ZNF33A: variants seen among roughly 807,000 people sequenced by gnomAD.
The protein encoded by ZNF33A is brain my041 protein.
In ZNF33A, 9 loss-of-function variants were observed where a neutral mutation model predicts 15.9. The observed-to-expected ratio is 0.57, with a 90% CI of 0.34 to 0.99. ZNF33A has a LOEUF of 0.99. Ranked by LOEUF, ZNF33A falls within the 50% of genes least tolerant of loss-of-function variation. ZNF33A has a pLI of 0.02. For synonymous variants in ZNF33A, 294 were observed against 324.2 expected, an observed-to-expected ratio of 0.91 and a Z score of 1.00; for missense variants, 843 against 941.6, an observed-to-expected ratio of 0.90 and a Z score of 1.37.
intron 4 of ZNF33A, among the ~76,000 whole-genome samples, chr10:38,024,907 T>C (rs1252619870): frequency 6.6e-6 from 1 of 152,252 alleles, no homozygotes; most frequent in African/African-American, 2.4e-5. Flanking sequence ...AGTTAATTAC[T>C]TAGTAACTGT....
chr10:38,038,087 A>G (rs1302278030), intron 4 of ZNF33A, among the ~76,000 whole-genome samples: 1 of 152,140 alleles, frequency 6.6e-6, no homozygotes, highest in South Asian at 2.1e-4. Flanking sequence ...GATTAAAGTT[A>G]TAAGTATTTT....
rs751939801 is a variant in ZNF33A at position 38,054,922 on chromosome 10, G to A, written c.798G>A (p.Gln266=). Residue 266 remains glutamine (Q), a synonymous_variant, in exon 5 of 5, where the codon CAG becomes CAA. Coordinates refer to ENST00000432900, the MANE Select transcript of ZNF33A (RefSeq NM_006954.2). ...LCDSSSLLFH[Q]ISPSRDNHYE... ...ATAGTTCATCCCTCTTGTTCCATCA[G>A]ATATCTCCGTCAAGGGACAATCACT... 2 of 1,613,814 alleles carry A rather than the reference G, an allele frequency of 1.2e-6. No homozygotes were observed. The highest frequency in any genetic ancestry group is 1.3e-5 in the African/African-American group (1 of 74,940).
intron 4 of ZNF33A, among the ~76,000 whole-genome samples, chr10:38,035,823 T>C (rs191389217): frequency 6.6e-6 from 1 of 152,222 alleles, no homozygotes; most frequent in East Asian, 1.9e-4. Context: ...AAAGCTTTCA[T>C]AAAAGAAAAG....
chr10:38,065,752 C>G (rs965077128), downstream of ZNF33A, among the ~76,000 whole-genome samples: 3 of 151,556 alleles, frequency 2.0e-5, no homozygotes, highest in African/African-American at 7.3e-5. Flanking sequence ...GCTCTTATGC[C>G]CAGGCTGGAG....
rs1590460120 is a variant in ZNF33A, at chr10:38,016,957, T to G, written c.96T>G (p.Ser32Arg). Reference sequence around the variant, plus strand: ...AGGAGTGGCAGCACCTGGACCCTAGTCAGAGGGCTCTGTATAGAGATGTGA... The same window carrying G: ...AGGAGTGGCAGCACCTGGACCCTAGGCAGAGGGCTCTGTATAGAGATGTGA... ...TQEEWQHLDP[S>R]QRALYRDVML... The change falls in exon 3 of 5, where the codon AGT becomes AGG. Residue 32 changes from serine to arginine, a missense_variant. Coordinates refer to ENST00000432900, the MANE Select transcript of ZNF33A (RefSeq NM_006954.2). The G allele has an allele frequency of 7.4e-6, 12 of 1,613,902 alleles. No individual in the cohort carries two copies. The East Asian group carries it at 2.7e-4, about 36-fold the overall frequency.
At chr10:38,034,922 A>C (rs2065373825) in intron 4 of ZNF33A, among the ~76,000 whole-genome samples, 2 of 152,088 alleles carry the variant, frequency 1.3e-5, no homozygotes, top group African/African-American at 4.8e-5. Flanking sequence ...TAAACCATGT[A>C]ATATACTTAT....
At chr10:38,038,880 A>G (rs535661399) in intron 4 of ZNF33A, among the ~76,000 whole-genome samples, 1 of 152,316 alleles carries the variant, frequency 6.6e-6, no homozygotes, top group East Asian at 1.9e-4. Context: ...GTGGTGTATT[A>G]ATTGATTTTC....
At chr10:38,053,407 C>T (rs1219149817) in intron 4 of ZNF33A, among the ~76,000 whole-genome samples, 1 of 152,066 alleles carries the variant, frequency 6.6e-6, no homozygotes, top group Non-Finnish European at 1.5e-5. Flanking sequence ...CATGTGCTTT[C>T]CAGTATCCTC....
intron 4 of ZNF33A, among the ~76,000 whole-genome samples, chr10:38,026,859 C>T (rs1697950287): frequency 6.6e-6 from 1 of 152,110 alleles, no homozygotes; most frequent in Admixed American, 6.6e-5. Flanking sequence ...CTACTCATTC[C>T]CCCTTCCGAC....
intron 4 of ZNF33A, among the ~76,000 whole-genome samples, chr10:38,026,680 A>G (rs1353605450): frequency 6.6e-6 from 1 of 152,244 alleles, no homozygotes; most frequent in Non-Finnish European, 1.5e-5. Context: ...ATAGGTAAGA[A>G]TCCATCAGCA....
At chr10:38,013,549 C>T (rs1267642288) in intron 2 of ZNF33A, among the ~76,000 whole-genome samples, 2 of 151,482 alleles carry the variant, frequency 1.3e-5, no homozygotes, top group Non-Finnish European at 2.9e-5. Flanking sequence ...TGCCTCGACT[C>T]CTTGGTTAAA....
chr10:38,031,686 C>T (rs1172467047), intron 4 of ZNF33A, among the ~76,000 whole-genome samples: 5 of 151,776 alleles, frequency 3.3e-5, no homozygotes, highest in Non-Finnish European at 5.9e-5. Flanking sequence ...GGTAATAGGC[C>T]GGGTGCGGTA....
intron 4 of ZNF33A, among the ~76,000 whole-genome samples, chr10:38,051,409 G>A (rs994364282): frequency 2.0e-5 from 3 of 151,898 alleles, no homozygotes; most frequent in African/African-American, 7.3e-5. Context: ...CCTAATGATC[G>A]CATCAGCTGA....
chr10:38,044,924 T>C (rs895411465), intron 4 of ZNF33A, among the ~76,000 whole-genome samples: 4 of 152,136 alleles, frequency 2.6e-5, no homozygotes, highest in African/African-American at 7.2e-5. Flanking sequence ...TGCCTCGACC[T>C]CCCAAAGTAC....
At chr10:38,045,292 T>G (rs1172248820) in intron 4 of ZNF33A, among the ~76,000 whole-genome samples, 1 of 152,180 alleles carries the variant, frequency 6.6e-6, no homozygotes, top group Non-Finnish European at 1.5e-5. Flanking sequence ...AAATGCACAC[T>G]ATCTTTGGGA....
At chr10:38,022,752 A>C (rs1022067986) in intron 4 of ZNF33A, among the ~76,000 whole-genome samples, 6 of 152,086 alleles carry the variant, frequency 3.9e-5, no homozygotes, top group African/African-American at 1.4e-4. Flanking sequence ...TGATATAGAT[A>C]ATTTGAATGA....
Position 38,016,942 on chromosome 10 carries a change from G to C in ZNF33A, c.81G>C (p.Gln27His). 1.2e-6 allele frequency: 2 copies of C among 1,613,952 alleles called. No individual in the cohort carries two copies. Among genetic ancestry groups the C allele is most frequent in the Middle Eastern group, 3.3e-4 (2 of 6,062 alleles). The change falls in exon 3 of 5, where the codon CAG becomes CAC. Residue 27 changes from glutamine (Q) to histidine (H), a missense_variant. By Grantham distance (24) the Gln-to-His change is conservative. Transcript: ENST00000432900. ...VTVGFTQEEW[Q>H]HLDPSQRALY... is the part of the protein sequence containing the mutation. ...TGGGCTTCACCCAGGAGGAGTGGCA[G>C]CACCTGGACCCTAGTCAGAGGGCTC...
intron 2 of ZNF33A, among the ~76,000 whole-genome samples, chr10:38,013,876 C>G (rs1184696868): frequency 6.6e-6 from 1 of 151,982 alleles, no homozygotes; most frequent in Non-Finnish European, 1.5e-5. Flanking sequence ...ACATTGCCAG[C>G]ACTCCTGAAG....
rs2066381275 is a variant in ZNF33A, at chr10:38,054,804, C to T, written c.680C>T (p.Thr227Ile). 1 of 1,613,324 alleles carries T rather than the reference C, an allele frequency of 6.2e-7. No homozygotes were observed. Among genetic ancestry groups the T allele is most frequent in the African/African-American group, 1.3e-5 (1 of 74,898 alleles). ...TTTGAATACAGTATATGTCAGGAAA[C>T]CCTCCTTGAAAAGGCAGTATTCAAT... ...HNFEYSICQE[T>I]LLEKAVFNTQ... Residue 227 changes from threonine (T) to isoleucine (I), a missense_variant, in exon 5 of 5, where the codon ACC (threonine) becomes ATC (isoleucine). Transcript: ENST00000432900.
Sources: allele counts gnomAD v4.1 joint callset (sites outside exome capture counted in the v4.1 genomes callset), GRCh38; gene constraint gnomAD v4.1.1; transcripts MANE v1.5; gene names NCBI Gene and HGNC (gene_info 2026-07-23, HGNC 2026-07-21).